The following MBTPS1 variants were observed in gnomAD, a reference collection of about 807,000 sequenced individuals.
MBTPS1 encodes membrane-bound transcription factor site-1 protease.
In MBTPS1, 94 loss-of-function variants were observed where a neutral mutation model predicts 127.8. The observed-to-expected ratio is 0.74, with a 90% confidence interval of 0.62 to 0.87. The LOEUF (loss-of-function observed/expected upper bound fraction) is 0.87. Ranked by LOEUF, MBTPS1 falls within the 40% of genes least tolerant of loss-of-function variation. MBTPS1 has a pLI of 0.00. For synonymous variants in MBTPS1, 632 were observed against 509.4 expected (o/e 1.24, Z -3.24); for missense variants, 1,636 against 1,353.2 (o/e 1.21, Z -3.28).
chr16:84,112,301 CTTTAA>C (rs113954443), intron 1 of MBTPS1, among the ~76,000 whole-genome samples: 184 of 152,270 alleles, frequency 1.2e-3, no homozygotes, highest in South Asian at 0.011. Flanking sequence ...TTAATTTCTG[CTTTAA>C]TTTATTTGTT....
chr16:84,086,319 G>C (rs572432668), intron 9 of MBTPS1: 1 of 151,848 alleles, frequency 6.6e-6, no homozygotes, highest in Admixed American at 6.5e-5. Flanking sequence ...AGTTCGGTGA[G>C]AGCATTTACA....
chr16:84,061,672 T>C (rs1353347931), intron 19 of MBTPS1: 9 of 149,532 alleles, frequency 6.0e-5, no homozygotes, highest in African/African-American at 2.1e-4. Context: ...CCACTGGAAG[T>C]GTGACAGCAG....
At chr16:84,084,458 G>A (rs1219422188) in intron 10 of MBTPS1, among the ~76,000 whole-genome samples, 2 of 152,204 alleles carry the variant, frequency 1.3e-5, no homozygotes, top group African/African-American at 4.8e-5. Flanking sequence ...ACTGTGAGAA[G>A]ATGGATGTGT....
chr16:84,103,485 C>T (rs761422694), intron 1 of MBTPS1, among the ~76,000 whole-genome samples: 2 of 152,060 alleles, frequency 1.3e-5, no homozygotes, highest in Non-Finnish European at 2.9e-5. Flanking sequence ...GTCTCAAACT[C>T]AGGTGATCCA....
At chr16:84,090,847 C>T (rs764056257) in intron 8 of MBTPS1, 28 bp downstream of exon 8, 6 of 1,564,196 alleles carry the variant, frequency 3.8e-6, no homozygotes, top group Admixed American at 1.7e-5. Context: ...AAAAAATCCC[C>T]GAGGTCATCC....
chr16:84,095,668 T>C lies in MBTPS1; in HGVS notation c.559A>G (p.Arg187Gly). The C allele has an allele frequency of 6.2e-7, 1 of 1,614,244 alleles. No individual in the cohort carries two copies. The highest frequency in any genetic ancestry group is 8.5e-7 in the Non-Finnish European group (1 of 1,180,042). ...TGRHSSRRLL[R>G]AIPRQVAQTL... Reference sequence around the variant, plus strand: ...TGGGCAACCTGGCGCGGGATGGCTCTCAGCAGCCGTCTGCTCGAATGCCTT... The same window carrying C: ...TGGGCAACCTGGCGCGGGATGGCTCCCAGCAGCCGTCTGCTCGAATGCCTT... Residue 187 changes from arginine (R) to glycine (G), a missense_variant, in exon 4 of 23, where the codon AGA (arginine) becomes GGA (glycine). Physicochemically the swap from Arg to Gly is moderately radical, Grantham distance 125. Coordinates refer to ENST00000343411, the MANE Select transcript of MBTPS1 (RefSeq NM_003791.4).
rs1004607905 is a variant in MBTPS1 at position 84,091,945 on chromosome 16, G to A, written c.847-97C>T. 5.4e-6 allele frequency: 4 copies of A among 740,058 alleles called. No homozygotes were observed. The African/African-American group carries it at 7.1e-5, about 13-fold the overall frequency. 45.8% of individuals were successfully genotyped at this position (740,058 alleles called of 1,614,324 possible). On this transcript the variant is annotated intron_variant, in intron 6 of 22. Coordinates refer to ENST00000343411, the MANE Select transcript of MBTPS1 (RefSeq NM_003791.4). ...TAAGGCTCTTTTAAAATTACAAGTA[G>A]TTCTCTTAATTTTTTTTTACTTAAA...
At chr16:84,088,988 T>C (rs932457827) in intron 8 of MBTPS1, among the ~76,000 whole-genome samples, 4 of 152,110 alleles carry the variant, frequency 2.6e-5, no homozygotes, top group African/African-American at 4.8e-5. Context: ...AACTCACAAC[T>C]CTGGTAAGAA....
rs781140411 is a variant in MBTPS1 at position 84,093,222 on chromosome 16, T to C, written c.812A>G (p.Glu271Gly). The C allele has an allele frequency of 5.6e-6, 9 of 1,613,924 alleles. No homozygotes were observed. The African/African-American group carries it at 1.2e-4, about 22-fold the overall frequency. ...RECQGFAPDAELHIFRVFTNN... is the reference protein window; with the variant it reads ...RECQGFAPDAGLHIFRVFTNN... ...GGTAAAGACCCTGAAAATGTGAAGT[T>C]CTGCATCTGGAGCAAATCCTTGGCA... The change falls in exon 6 of 23, where the codon GAA becomes GGA. Residue 271 changes from glutamate to glycine, a missense_variant. Coordinates refer to ENST00000343411, the MANE Select transcript of MBTPS1 (RefSeq NM_003791.4).
At chr16:84,079,028 C>T (rs1321394788) in intron 11 of MBTPS1, among the ~76,000 whole-genome samples, 1 of 152,206 alleles carries the variant, frequency 6.6e-6, no homozygotes, top group Non-Finnish European at 1.5e-5. Flanking sequence ...CTGGGGGAGA[C>T]CCCTCATGGG....
At position 84,059,357 on chromosome 16, in the gene MBTPS1, C is replaced by T. The variant is rs1477158291; in HGVS notation, c.2776G>A (p.Ala926Thr). 1.2e-6 allele frequency: 2 copies of T among 1,614,024 alleles called. No individual in the cohort carries two copies. Among genetic ancestry groups the T allele is most frequent in the Admixed American group, 1.7e-5 (1 of 60,000 alleles). The change falls in exon 21 of 23, where the codon GCC becomes ACC. Residue 926 changes from alanine (A) to threonine (T), a missense_variant. Transcript: ENST00000343411. Reference sequence around the variant, plus strand: ...TTGGCCCAAGACAAGCGTGGACAGGCTGGTAGAGGCCGAGGTTTTGGGTCT... The same window carrying T: ...TTGGCCCAAGACAAGCGTGGACAGGTTGGTAGAGGCCGAGGTTTTGGGTCT... ...LGDPKPRPLP[A>T]CPRLSWAKPQ... is the part of the protein sequence containing the mutation.
At chr16:84,073,389 C>T (rs541256697) in intron 12 of MBTPS1, among the ~76,000 whole-genome samples, 66 of 152,252 alleles carry the variant, frequency 4.3e-4, no homozygotes, top group Non-Finnish European at 7.8e-4. Flanking sequence ...GCCTCAGCCT[C>T]TCAAAGTGCT....
intron 1 of MBTPS1, among the ~76,000 whole-genome samples, chr16:84,107,736 G>A (rs540558854): frequency 1.2e-4 from 18 of 146,466 alleles, no homozygotes; most frequent in Admixed American, 8.2e-4. Context: ...ACAGGGTCCC[G>A]CTTGGTCACC....
At chr16:84,078,791 C>A (rs548625082) in intron 11 of MBTPS1, among the ~76,000 whole-genome samples, 10 of 152,260 alleles carry the variant, frequency 6.6e-5, no homozygotes, top group African/African-American at 2.4e-4. Flanking sequence ...AAACAATATC[C>A]ACAGCGATGC....
Position 84,068,240 on chromosome 16 carries a change from G to A in MBTPS1, c.2071+99C>T, listed in dbSNP as rs2085718116. On this transcript the variant is annotated intron_variant, in intron 15 of 22. Transcript: ENST00000343411. ...TGGGGCCCACGGCGCATACTCCCTT[G>A]GTAGCTATCACTGAAAACTGGGATT... is the stretch of plus-strand genomic sequence containing the variant. 5.9e-6 allele frequency: 5 copies of A among 850,100 alleles called. No individual in the cohort carries two copies. The South Asian group carries it at 5.9e-5, about 10-fold the overall frequency. 52.7% of individuals were successfully genotyped at this position (850,100 alleles called of 1,614,324 possible). A position where few individuals can be genotyped will look rare whatever the true frequency, so the allele number is the denominator to read the frequency against.
intron 15 of MBTPS1, among the ~76,000 whole-genome samples, chr16:84,068,138 C>T (rs2085715799): frequency 6.6e-6 from 1 of 152,254 alleles, no homozygotes; most frequent in Admixed American, 6.5e-5. Context: ...TGTCTCCAAT[C>T]AGCCTGTCTT....
At chr16:84,097,835 TTC>T in intron 3 of MBTPS1, among the ~76,000 whole-genome samples, 1 of 133,360 alleles carries the variant, frequency 7.5e-6, no homozygotes, top group East Asian at 2.3e-4. Flanking sequence ...TAAACTTCTC[TTC>T]GTGTGTGTGT....
chr16:84,059,581 G>T, intron 20 of MBTPS1, 153 bp from the exon 21 acceptor site: 1 of 619,324 alleles, frequency 1.6e-6, no homozygotes, highest in South Asian at 2.1e-5. Context: ...TGAGCCGCAG[G>T]AGCCACGCCT....
rs373059678 is a variant in MBTPS1, at chr16:84,085,244, T to C, written c.1135-110A>G. The C allele has an allele frequency of 1.6e-3, 1,777 of 1,100,528 alleles. 32 individuals carry two copies. The South Asian group carries it at 0.024, about 15-fold the overall frequency. The allele number at this position is 1,100,528 out of a possible 1,614,324, so 68.2% of individuals were successfully genotyped here. ...AGATATGGGTTAGTTAAAAACTGTATAACCTTAGGAAGGTACTGGTTTTAG... is the reference window on the plus strand; with the variant it reads ...AGATATGGGTTAGTTAAAAACTGTACAACCTTAGGAAGGTACTGGTTTTAG... On this transcript the variant is annotated intron_variant, in intron 9 of 22. Transcript: ENST00000343411.
Sources: allele counts gnomAD v4.1 joint callset (sites outside exome capture counted in the v4.1 genomes callset), GRCh38; gene constraint gnomAD v4.1.1; transcripts MANE v1.5; gene names NCBI Gene and HGNC (gene_info 2026-07-23, HGNC 2026-07-21).